The following RAD51C variants were observed in gnomAD, a reference collection of about 807,000 sequenced individuals.
RAD51C encodes DNA repair protein RAD51 homolog 3.
A neutral mutation model predicts 45.0 loss-of-function variants in RAD51C; 42 were observed. The ratio of observed to expected loss-of-function variants is 0.93; its 90% CI spans 0.73 to 1.21. The LOEUF (loss-of-function observed/expected upper bound fraction) is 1.21, where lower values mean the gene tolerates loss of function less well. Ranked by LOEUF, RAD51C falls within the 50% of genes most tolerant of loss-of-function variation. The pLI is 0.00. For missense variants in RAD51C, 474 were observed against 452.2 expected, an observed-to-expected ratio of 1.05 and a Z score of -0.44; for synonymous variants, 172 against 159.8, an observed-to-expected ratio of 1.08 and a Z score of -0.58.
At chr17:58,733,614 G>T (rs2049532132) in intron 8 of RAD51C, among the ~76,000 whole-genome samples, 1 of 152,144 alleles carries the variant, frequency 6.6e-6, no homozygotes, top group South Asian at 2.1e-4. Flanking sequence ...GTATGCAAGG[G>T]TATAAATAAG....
At chr17:58,733,462 G>T (rs1368156791) in intron 8 of RAD51C, among the ~76,000 whole-genome samples, 1 of 152,174 alleles carries the variant, frequency 6.6e-6, no homozygotes, top group African/African-American at 2.4e-5. Flanking sequence ...GAAAACTTTA[G>T]AGTATTTAAT....
chr17:58,722,692 C>T (rs575120090), intron 6 of RAD51C, among the ~76,000 whole-genome samples: 2 of 152,138 alleles, frequency 1.3e-5, no homozygotes, highest in Admixed American at 6.6e-5. Context: ...TAAAAATCAA[C>T]GTAGACCACT....
At chr17:58,730,292 G>A (rs994970599) in intron 7 of RAD51C, among the ~76,000 whole-genome samples, 1 of 149,630 alleles carries the variant, frequency 6.7e-6, no homozygotes, top group African/African-American at 2.5e-5. Context: ...AGCCTCCTCA[G>A]TAGCTGGGAT....
At chr17:58,733,514 TC>T (rs1251865708) in intron 8 of RAD51C, among the ~76,000 whole-genome samples, 1 of 152,222 alleles carries the variant, frequency 6.6e-6, no homozygotes, top group African/African-American at 2.4e-5. Flanking sequence ...TTAGGTTATT[TC>T]CTTTTACTTC....
chr17:58,716,475 T>C (rs1345225392), intron 5 of RAD51C, among the ~76,000 whole-genome samples: 1 of 152,154 alleles, frequency 6.6e-6, no homozygotes, highest in Non-Finnish European at 1.5e-5. Context: ...TTTATTTATT[T>C]TTTTTGAGAT....
intron 3 of RAD51C, among the ~76,000 whole-genome samples, chr17:58,697,532 C>CT (rs1228849538): frequency 2.6e-5 from 3 of 116,014 alleles, no homozygotes; most frequent in Non-Finnish European, 5.1e-5. Context: ...TGAGACTACT[C>CT]TGTCTCTTAA....
chr17:58,733,813 G>A (rs1043219509), intron 8 of RAD51C, among the ~76,000 whole-genome samples: 5 of 152,136 alleles, frequency 3.3e-5, no homozygotes, highest in Non-Finnish European at 7.4e-5. Context: ...CCGCCTCCCA[G>A]GTTCAAGCGA....
chr17:58,710,787 A>AT (rs936306214), intron 5 of RAD51C, among the ~76,000 whole-genome samples: 8 of 148,598 alleles, frequency 5.4e-5, no homozygotes, highest in African/African-American at 1.2e-4. Context: ...AAGGGAAGAG[A>AT]TTTTTTTTTT....
chr17:58,705,804 C>T (rs2048360362), intron 4 of RAD51C: 1 of 150,342 alleles, frequency 6.7e-6, no homozygotes, highest in South Asian at 2.1e-4. Context: ...AAGTTTGCCC[C>T]TGGCCCCTTG....
Position 58,709,923 on chromosome 17 carries a change from T to C in RAD51C, c.770T>C (p.Leu257Pro). ...CGTCATGACCTAGATGACCTGTCTC[T>C]TCGTACTCGGTTATTAAATGGCCTA... ...PFRHDLDDLS[L>P]RTRLLNGLAQ... Residue 257 changes from leucine (L) to proline (P), a missense_variant, in exon 5 of 9, where the codon CTT becomes CCT. Physicochemically the swap from Leu to Pro is moderately conservative, Grantham distance 98. Coordinates refer to ENST00000337432, the MANE Select transcript of RAD51C (RefSeq NM_058216.3). 1 of 1,612,352 alleles carries C rather than the reference T, an allele frequency of 6.2e-7. No homozygotes were observed.
intron 4 of RAD51C, among the ~76,000 whole-genome samples, chr17:58,707,624 C>T (rs1475070922): frequency 6.6e-6 from 1 of 152,068 alleles, no homozygotes; most frequent in East Asian, 1.9e-4. Flanking sequence ...TTGAAAATCA[C>T]TTCCACATTT....
Position 58,695,168 on chromosome 17 carries a change from G to A in RAD51C, c.383G>A (p.Gly128Asp), listed in dbSNP as rs1555593874. 1 of 1,612,286 alleles carries A rather than the reference G, an allele frequency of 6.2e-7. No individual in the cohort carries two copies. Among genetic ancestry groups the A allele is most frequent in the Non-Finnish European group, 8.5e-7 (1 of 1,178,874 alleles). The part of the protein sequence containing the change: ...MKTTEICGAP[G>D]VGKTQLCMQL... Reference sequence around the variant, plus strand: ...ACAACAGAAATTTGTGGTGCACCAGGTGTTGGAAAAACACAATTATGGTAA... The same window carrying A: ...ACAACAGAAATTTGTGGTGCACCAGATGTTGGAAAAACACAATTATGGTAA... The change falls in exon 2 of 9, where the codon GGT becomes GAT. Residue 128 changes from glycine to aspartate, a missense_variant. Physicochemically the swap from Gly to Asp is moderately conservative, Grantham distance 94. Transcript: ENST00000337432.
At chr17:58,700,651 A>T (rs2048183321) in intron 3 of RAD51C, among the ~76,000 whole-genome samples, 1 of 151,900 alleles carries the variant, frequency 6.6e-6, no homozygotes, top group Non-Finnish European at 1.5e-5. Flanking sequence ...CATGTTAGCC[A>T]GGATGGTCTC....
chr17:58,733,849 G>C (rs2049544508), intron 8 of RAD51C, among the ~76,000 whole-genome samples: 1 of 152,126 alleles, frequency 6.6e-6, no homozygotes, highest in Non-Finnish European at 1.5e-5. Flanking sequence ...CTCCAGAGTA[G>C]CTGGGACTAG....
At chr17:58,693,749 T>G (rs1324265926) in intron 1 of RAD51C, 1 of 152,136 alleles carries the variant, frequency 6.6e-6, no homozygotes, top group Non-Finnish European at 1.5e-5. Context: ...TCATTCCCAT[T>G]TTATAGACGA....
chr17:58,711,949 C>A (rs894321204), intron 5 of RAD51C, among the ~76,000 whole-genome samples: 15 of 151,896 alleles, frequency 9.9e-5, no homozygotes, highest in Non-Finnish European at 1.9e-4. Flanking sequence ...CCTGTAATCC[C>A]AGCACTTTTG....
chr17:58,697,716 A>AT lies in RAD51C; in HGVS notation c.571+870dup, dbSNP rs1350765878. On this transcript the variant is annotated intron_variant, in intron 3 of 8. Coordinates refer to ENST00000337432, the MANE Select transcript of RAD51C (RefSeq NM_058216.3). ...GTGAAAATAAAGTGACTGTAAAACG[A>AT]TTTTTTTTTTTTTGAGACAAAGTTT... Among the ~76,000 whole-genome samples, 669 of 144,644 alleles carry AT rather than the reference A, an allele frequency of 4.6e-3. 6 individuals are homozygous for AT. Among genetic ancestry groups the AT allele is most frequent in the East Asian group, 0.026 (130 of 4,922 alleles). The allele number at this position is 144,644 out of a possible 152,430, so 94.9% of individuals were successfully genotyped here.
intron 5 of RAD51C, 50 bp from the exon 6 acceptor site, chr17:58,720,696 G>C (rs2143928962): frequency 7.0e-7 from 1 of 1,437,814 alleles, no homozygotes; most frequent in African/African-American, 1.4e-5. Flanking sequence ...TGGTCTACTT[G>C]ATAATTTTCA....
chr17:58,707,030 T>C (rs1007084763), intron 4 of RAD51C, among the ~76,000 whole-genome samples: 2 of 152,330 alleles, frequency 1.3e-5, no homozygotes, highest in African/African-American at 4.8e-5. Flanking sequence ...ATTTTTACTA[T>C]AAGTGGTCTA....
Sources: allele counts gnomAD v4.1 joint callset (sites outside exome capture counted in the v4.1 genomes callset), GRCh38; gene constraint gnomAD v4.1.1; transcripts MANE v1.5; gene names NCBI Gene and HGNC (gene_info 2026-07-23, HGNC 2026-07-21).